ZMIZ1: variants seen among roughly 807,000 people sequenced by gnomAD.
The protein encoded by ZMIZ1 is zinc finger MIZ-type containing 1.
Under a neutral mutation model 113.9 loss-of-function variants are expected in ZMIZ1, and 17 were observed. That is an observed-to-expected ratio of 0.15 (90% CI 0.10 to 0.22). The LOEUF (loss-of-function observed/expected upper bound fraction) is 0.22, where lower values mean the gene tolerates loss of function less well. Among genes scored for constraint, ZMIZ1 ranks in the 10% least tolerant of loss-of-function variants. ZMIZ1 has a pLI of 1.00. For missense variants in ZMIZ1, 1,059 were observed against 1,477.8 expected, an observed-to-expected ratio of 0.72 and a Z score of 4.65; for synonymous variants, 607 against 603.1, an observed-to-expected ratio of 1.01 and a Z score of -0.09.
Position 79,311,076 on chromosome 10 carries a change from C to G in ZMIZ1, c.2988C>G (p.Ala996=), listed in dbSNP as rs142267102. The G allele has an allele frequency of 6.2e-7, 1 of 1,613,660 alleles. No individual in the cohort carries two copies. The highest frequency in any genetic ancestry group is 1.7e-5 in the Admixed American group (1 of 60,026). Residue 996 remains alanine (A), a synonymous_variant, in exon 24 of 25, where the codon GCC becomes GCG. Transcript: ENST00000334512. ...PSQPPRQPPQ[A]APSSHPHSDL... is the part of the protein sequence containing the mutation. ...AGCCTCCCCGGCAGCCGCCACAGGC[C>G]GCTCCCAGCAGCCATCCACACAGCG...
intron 1 of ZMIZ1, among the ~76,000 whole-genome samples, chr10:79,084,160 C>G (rs116679194): frequency 6.6e-6 from 1 of 152,222 alleles, no homozygotes; most frequent in Non-Finnish European, 1.5e-5. Flanking sequence ...GAACTCCTAC[C>G]CATCCTTAAG....
chr10:79,192,458 T>C (rs958855567), intron 4 of ZMIZ1, among the ~76,000 whole-genome samples: 3 of 152,146 alleles, frequency 2.0e-5, no homozygotes, highest in Non-Finnish European at 4.4e-5. Context: ...AGGATGGGTG[T>C]TGGGAGATTG....
Position 79,277,254 on chromosome 10 carries a change from T to C in ZMIZ1, c.354T>C (p.Asp118=). Residue 118 remains aspartate, a synonymous_variant, in exon 8 of 25, where the codon GAT becomes GAC. Transcript: ENST00000334512. ...LLRHQKSRQS[D]PPGKLPMQPP... Reference sequence around the variant, plus strand: ...GACATCAGAAGAGCCGCCAGAGCGATCCCCCTGGGAAACTCCCCATGCAGC... The same window carrying C: ...GACATCAGAAGAGCCGCCAGAGCGACCCCCCTGGGAAACTCCCCATGCAGC... The C allele has an allele frequency of 6.3e-7, 1 of 1,589,964 alleles. No individual in the cohort carries two copies. Among genetic ancestry groups the C allele is most frequent in the Non-Finnish European group, 8.6e-7 (1 of 1,168,644 alleles).
At chr10:79,071,179 C>G (rs1397818437) in intron 1 of ZMIZ1, among the ~76,000 whole-genome samples, 1 of 152,150 alleles carries the variant, frequency 6.6e-6, no homozygotes, top group Admixed American at 6.5e-5. Context: ...GGTGCAGAGC[C>G]GCTCCGAGCT....
intron 1 of ZMIZ1, among the ~76,000 whole-genome samples, chr10:79,111,960 C>T (rs1843761718): frequency 6.6e-6 from 1 of 152,210 alleles, no homozygotes; most frequent in Non-Finnish European, 1.5e-5. Flanking sequence ...TACAGCTTGA[C>T]CCAGAGTAGG....
At chr10:79,125,078 A>G (rs1355158155) in intron 2 of ZMIZ1, among the ~76,000 whole-genome samples, 1 of 152,208 alleles carries the variant, frequency 6.6e-6, no homozygotes, top group Non-Finnish European at 1.5e-5. Flanking sequence ...CCGGACCTTC[A>G]TGCTCCACCA....
chr10:79,276,896 T>G (rs1852324808), intron 7 of ZMIZ1, among the ~76,000 whole-genome samples: 1 of 151,944 alleles, frequency 6.6e-6, no homozygotes, highest in Non-Finnish European at 1.5e-5. Flanking sequence ...TCATCCTGAC[T>G]CTCCCCCTCT....
intron 12 of ZMIZ1, 48 bp downstream of exon 12, chr10:79,293,701 G>A (rs1265841858): frequency 6.2e-7 from 1 of 1,612,630 alleles, no homozygotes. Context: ...GGACACCTGG[G>A]CTTGAAGACA....
chr10:79,139,980 G>T (rs1422552812), intron 3 of ZMIZ1, among the ~76,000 whole-genome samples: 1 of 152,204 alleles, frequency 6.6e-6, no homozygotes, highest in African/African-American at 2.4e-5. Context: ...AGGCTTCTGG[G>T]TGTCAGTTTG....
intron 2 of ZMIZ1, among the ~76,000 whole-genome samples, chr10:79,123,956 C>G (rs1246522939): frequency 6.6e-6 from 1 of 152,262 alleles, no homozygotes; most frequent in Non-Finnish European, 1.5e-5. Flanking sequence ...CACCTCTCCT[C>G]CCACTGCGTG....
intron 7 of ZMIZ1, among the ~76,000 whole-genome samples, chr10:79,217,896 G>A (rs930274412): frequency 6.6e-6 from 1 of 152,240 alleles, no homozygotes; most frequent in Admixed American, 6.5e-5. Context: ...GGAGTGTGCA[G>A]TTTTAATAAT....
chr10:79,288,202 G>A lies in ZMIZ1; in HGVS notation c.426-1573G>A, dbSNP rs546102589. Among the ~76,000 whole-genome samples, 4 of 152,370 alleles carry A rather than the reference G, an allele frequency of 2.6e-5. No homozygotes were observed. The East Asian group carries it at 5.8e-4, about 22-fold the overall frequency. On this transcript the variant is annotated intron_variant, in intron 8 of 24. Transcript: ENST00000334512. ...CATTGCCAAGAGCTCAGCCGGGCAA[G>A]GCACAGAGCACAAGACTTGGCTGCC... is the stretch of plus-strand genomic sequence containing the variant.
chr10:79,106,226 G>C (rs1444993224), intron 1 of ZMIZ1, among the ~76,000 whole-genome samples: 5 of 152,240 alleles, frequency 3.3e-5, no homozygotes, highest in Non-Finnish European at 7.3e-5. Context: ...TCCTAGGCCA[G>C]AGACCAAGAC....
chr10:79,267,412 A>G (rs1851672727), intron 7 of ZMIZ1, among the ~76,000 whole-genome samples: 1 of 152,264 alleles, frequency 6.6e-6, no homozygotes. Context: ...GGGAACATGT[A>G]TACTACAGCA....
intron 7 of ZMIZ1, among the ~76,000 whole-genome samples, chr10:79,231,269 C>T (rs1050200149): frequency 8.5e-5 from 13 of 152,212 alleles, no homozygotes; most frequent in African/African-American, 2.4e-4. Flanking sequence ...TGTTTTGAAA[C>T]GGAGTTTCAC....
intron 7 of ZMIZ1, among the ~76,000 whole-genome samples, chr10:79,255,927 G>A (rs1850869737): frequency 6.6e-6 from 1 of 152,236 alleles, no homozygotes; most frequent in Admixed American, 6.5e-5. Context: ...ACAATTGCCT[G>A]CAGAATTACC....
chr10:79,103,189 C>G (rs563380320), intron 1 of ZMIZ1, among the ~76,000 whole-genome samples: 1 of 152,026 alleles, frequency 6.6e-6, no homozygotes, highest in East Asian at 1.9e-4. Context: ...GTGCAAAGGC[C>G]CAGGGGTAGG....
intron 3 of ZMIZ1, among the ~76,000 whole-genome samples, chr10:79,140,624 T>A (rs929055039): frequency 6.6e-6 from 1 of 152,104 alleles, no homozygotes; most frequent in African/African-American, 2.4e-5. Context: ...TCCACACTCA[T>A]CCACCCATTC....
intron 4 of ZMIZ1, among the ~76,000 whole-genome samples, chr10:79,164,449 G>T (rs1467090013): frequency 1.8e-5 from 1 of 54,150 alleles, no homozygotes; most frequent in Non-Finnish European, 4.0e-5. Flanking sequence ...ATTCTCATGC[G>T]TCTCTAGGTA....
Sources: gnomAD v4.1 joint callset for allele counts (sites outside exome capture counted in the v4.1 genomes callset) on GRCh38, gnomAD v4.1.1 for gene constraint, MANE v1.5 for transcripts, NCBI Gene and HGNC (gene_info 2026-07-23, HGNC 2026-07-21) for gene names.